The following NPAS3 variants were observed in gnomAD, a reference collection of about 807,000 sequenced individuals.
NPAS3 encodes neuronal PAS domain-containing protein 3.
A neutral mutation model predicts 73.1 loss-of-function variants in NPAS3; 14 were observed. That is an observed-to-expected ratio of 0.19 (90% CI 0.13 to 0.30). The LOEUF (loss-of-function observed/expected upper bound fraction) is 0.30. Ranked by LOEUF, NPAS3 falls within the 10% of genes least tolerant of loss-of-function variation. The pLI, the probability that NPAS3 is intolerant of heterozygous loss-of-function variation, is 1.00. For synonymous variants in NPAS3, 620 were observed against 541.5 expected (o/e 1.14, Z -2.01); for missense variants, 1,096 against 1,250.0 (o/e 0.88, Z 1.86).
At chr14:33,588,021 G>A (rs755080229) in intron 5 of NPAS3, among the ~76,000 whole-genome samples, 8 of 152,130 alleles carry the variant, frequency 5.3e-5, no homozygotes, top group African/African-American at 4.8e-5. Context: ...TGTCTTAGTC[G>A]AGTGTGTTCC....
Position 33,423,204 on chromosome 14 carries a change from T to A in NPAS3, c.468+55936T>A, listed in dbSNP as rs77208172. ...CTAGAACTACAATTTCACACCTATG[T>A]AGCCAGAGATGAAGAAGGACATAAA... On this transcript the variant is annotated intron_variant, in intron 4 of 11. Coordinates refer to ENST00000356141, the Ensembl canonical transcript of NPAS3. 0.018 allele frequency among the ~76,000 whole-genome samples: 2,728 copies of A among 152,142 alleles called. 156 individuals are homozygous for A. The East Asian group carries it at 0.23, about 13-fold the overall frequency.
rs113749672 is a variant in NPAS3, at chr14:33,303,009, T to C, written c.386-64177T>C. Among the ~76,000 whole-genome samples the C allele has an allele frequency of 4.5e-4, 68 of 152,284 alleles. 1 individual carries two copies. Among genetic ancestry groups the C allele is most frequent in the African/African-American group, 1.6e-3 (66 of 41,550 alleles). On this transcript the variant is annotated intron_variant, in intron 3 of 11. Coordinates refer to ENST00000356141, the Ensembl canonical transcript of NPAS3. Reference sequence around the variant, plus strand: ...TTGATCAAGCTTAGTCACAGCTTTCTCATCTTTAAAAATGGCTTCTCGCAA... The same window carrying C: ...TTGATCAAGCTTAGTCACAGCTTTCCCATCTTTAAAAATGGCTTCTCGCAA...
At chr14:33,417,942 GATGATT>G (rs1178795731) in intron 4 of NPAS3, among the ~76,000 whole-genome samples, 1 of 151,944 alleles carries the variant, frequency 6.6e-6, no homozygotes, top group Non-Finnish European at 1.5e-5. Flanking sequence ...TCTTTTTGCA[GATGATT>G]TTGGTTCCCC....
Position 33,416,599 on chromosome 14 carries a change from G to T in NPAS3, c.468+49331G>T, listed in dbSNP as rs1376169551. 3.3e-5 allele frequency among the ~76,000 whole-genome samples: 5 copies of T among 151,918 alleles called. No homozygotes were observed. In the South Asian group the frequency reaches 1.0e-3, roughly 31 times the overall value. On this transcript the variant is annotated intron_variant, in intron 4 of 11. Transcript: ENST00000356141. ...TATATTTTTCCAGCAGTATTGAATA[G>T]ATTTTGTTCTATTGGCTTATCTTCT...
intron 1 of NPAS3, among the ~76,000 whole-genome samples, chr14:32,972,885 T>G (rs1397622945): frequency 6.6e-6 from 1 of 152,200 alleles, no homozygotes; most frequent in Non-Finnish European, 1.5e-5. Context: ...AAGCACCCTC[T>G]CTCACACACA....
chr14:33,660,292 C>G (rs1341557836), intron 5 of NPAS3, among the ~76,000 whole-genome samples: 1 of 152,188 alleles, frequency 6.6e-6, no homozygotes. Flanking sequence ...TCTGCCATGT[C>G]CAAGCCATCT....
chr14:33,435,892 A>G (rs1248717331), intron 4 of NPAS3, among the ~76,000 whole-genome samples: 2 of 152,170 alleles, frequency 1.3e-5, no homozygotes, highest in Admixed American at 1.3e-4. Context: ...GTGCTGTTCT[A>G]CCTTCTTGAT....
chr14:33,557,248 A>G (rs1567000767), intron 4 of NPAS3, among the ~76,000 whole-genome samples: 2 of 152,206 alleles, frequency 1.3e-5, no homozygotes, highest in Non-Finnish European at 2.9e-5. Flanking sequence ...TGTCAAAGGT[A>G]AGGAGCCCAG....
chr14:33,263,490 G>A (rs2049050912), intron 3 of NPAS3, among the ~76,000 whole-genome samples: 2 of 152,024 alleles, frequency 1.3e-5, no homozygotes, highest in Non-Finnish European at 2.9e-5. Context: ...TCTCTGTTTT[G>A]GTACCAGTAC....
At chr14:33,123,537 C>G (rs2043311212) in intron 2 of NPAS3, among the ~76,000 whole-genome samples, 1 of 151,962 alleles carries the variant, frequency 6.6e-6, no homozygotes, top group East Asian at 1.9e-4. Context: ...AACTCAAAAC[C>G]AAAAGAAGCA....
chr14:33,724,093 C>G (rs948354130), intron 6 of NPAS3, among the ~76,000 whole-genome samples: 1 of 152,000 alleles, frequency 6.6e-6, no homozygotes, highest in African/African-American at 2.4e-5. Flanking sequence ...ATAGACTACT[C>G]AATATAAAAT....
In NPAS3 at chr14:33,436,072, G is replaced by A. The variant is rs570730195; in HGVS notation, c.468+68804G>A. Among the ~76,000 whole-genome samples, 3 of 152,284 alleles carry A rather than the reference G, an allele frequency of 2.0e-5. No individual in the cohort carries two copies. In the South Asian group the frequency reaches 6.2e-4, roughly 32 times the overall value. On this transcript the variant is annotated intron_variant, in intron 4 of 11. Coordinates refer to ENST00000356141, the Ensembl canonical transcript of NPAS3. ...CATTTCTAAGAACCAAATATCCTTT[G>A]ACTCATTTCTTTGCAGTTACACAAA...
intron 5 of NPAS3, among the ~76,000 whole-genome samples, chr14:33,596,641 C>G (rs148360226): frequency 2.0e-5 from 3 of 152,336 alleles, no homozygotes; most frequent in African/African-American, 7.2e-5. Flanking sequence ...TTCAATTGAC[C>G]TGTCAACATC....
intron 4 of NPAS3, among the ~76,000 whole-genome samples, chr14:33,485,440 A>T (rs929964099): frequency 6.6e-6 from 1 of 152,146 alleles, no homozygotes; most frequent in East Asian, 1.9e-4. Flanking sequence ...CCATCCCATC[A>T]CAAACATAGC....
At chr14:33,000,681 T>A (rs1162507700) in intron 1 of NPAS3, among the ~76,000 whole-genome samples, 3 of 152,212 alleles carry the variant, frequency 2.0e-5, no homozygotes, top group South Asian at 4.1e-4. Context: ...AGATACATGA[T>A]AACAGATAAA....
At chr14:33,247,196 C>T (rs1243468604) in intron 3 of NPAS3, among the ~76,000 whole-genome samples, 1 of 152,046 alleles carries the variant, frequency 6.6e-6, no homozygotes, top group Non-Finnish European at 1.5e-5. Flanking sequence ...GTACTCTCCC[C>T]ATTATTACCT....
intron 5 of NPAS3, among the ~76,000 whole-genome samples, chr14:33,575,679 A>G (rs2056405360): frequency 6.6e-6 from 1 of 152,216 alleles, no homozygotes; most frequent in Non-Finnish European, 1.5e-5. Flanking sequence ...TTATGGTGAA[A>G]AATTTTTAAA....
chr14:33,598,900 G>A (rs1029976677), intron 5 of NPAS3, among the ~76,000 whole-genome samples: 3 of 152,184 alleles, frequency 2.0e-5, no homozygotes, highest in African/African-American at 7.2e-5. Flanking sequence ...CCTCCTGGCA[G>A]ACATAACATT....
intron 4 of NPAS3, among the ~76,000 whole-genome samples, chr14:33,368,395 T>C (rs1214016100): frequency 1.3e-5 from 2 of 151,874 alleles, no homozygotes; most frequent in Non-Finnish European, 2.9e-5. Context: ...AGTTTCAGAA[T>C]CACCCAACAC....
Sources: gnomAD v4.1 joint callset for allele counts (sites outside exome capture counted in the v4.1 genomes callset) on GRCh38, gnomAD v4.1.1 for gene constraint, MANE v1.5 for transcripts, NCBI Gene and HGNC (gene_info 2026-07-23, HGNC 2026-07-21) for gene names.